Variants in DNAH3 observed in about 807,000 individuals in gnomAD.
The protein encoded by DNAH3 is dynein axonemal heavy chain 3.
DNAH3 carries 332 observed loss-of-function variants against 432.5 expected under a neutral mutation model. The observed-to-expected ratio is 0.77, with a 90% CI of 0.70 to 0.84. The LOEUF (loss-of-function observed/expected upper bound fraction) is 0.84. Ranked by LOEUF, DNAH3 falls within the 40% of genes least tolerant of loss-of-function variation. The probability of loss-of-function intolerance (pLI) is 0.00; values close to 1 mark genes in which losing one functional copy is unlikely to be tolerated. For missense variants in DNAH3, 4,861 were observed against 5,114.0 expected (o/e 0.95, Z 1.51); for synonymous variants, 1,956 against 1,900.2 (o/e 1.03, Z -0.76).
At chr16:20,969,084 C>CTGTG (rs745444835) in intron 52 of DNAH3, among the ~76,000 whole-genome samples, 23 of 110,620 alleles carry the variant, frequency 2.1e-4, no homozygotes, top group Non-Finnish European at 1.1e-4. Flanking sequence ...CTTTTTCTTT[C>CTGTG]TCTGTGTGTG....
At chr16:20,977,513 T>G (rs1269536784) in intron 50 of DNAH3, among the ~76,000 whole-genome samples, 3 of 152,202 alleles carry the variant, frequency 2.0e-5, no homozygotes, top group Admixed American at 2.0e-4. Context: ...AGGGTTGGGT[T>G]TCATGTATTT....
chr16:21,112,874 T>C (rs1352196185), intron 12 of DNAH3, among the ~76,000 whole-genome samples: 2 of 152,176 alleles, frequency 1.3e-5, no homozygotes, highest in African/African-American at 2.4e-5. Flanking sequence ...GATTTTGGAC[T>C]TGCATGGGCC....
rs769365167 is a variant in DNAH3 at position 21,145,315 on chromosome 16, C to A, written c.314G>T (p.Gly105Val). ...GTTGTTGGCGATGGAATCACTGGGT[C>A]CACGGTGGTGATGCTGTTCTTTGAA... is the stretch of plus-strand genomic sequence containing the variant. Residue 105 changes from glycine (G) to valine (V), a missense_variant, in exon 3 of 62, where the codon GGA becomes GTA. Physicochemically the swap from Gly to Val is moderately radical, Grantham distance 109. Transcript: ENST00000261383. The A allele has an allele frequency of 2.4e-5, 39 of 1,614,004 alleles. No individual in the cohort carries two copies. In the South Asian group the frequency reaches 4.1e-4, roughly 17 times the overall value.
exon 46 of DNAH3, chr16:20,987,809 T>G: frequency 6.2e-7 from 1 of 1,614,126 alleles, no homozygotes; most frequent in East Asian, 2.2e-5. Context: ...ACTGCATCTC[T>G]ATAAATTGTC....
In DNAH3 at chr16:21,036,893, G is replaced by T; in HGVS notation, c.4951-45C>A. 4 of 1,498,854 alleles carry T rather than the reference G, an allele frequency of 2.7e-6. No homozygotes were observed. The South Asian group carries it at 4.6e-5, about 17-fold the overall frequency. 92.8% of individuals were successfully genotyped at this position (1,498,854 alleles called of 1,614,324 possible). On this transcript the variant is annotated intron_variant, in intron 34 of 61. Transcript: ENST00000261383. ...AGAAAGTGGAAAGGATAAAGTATCA[G>T]ATATATGACCTCAACATTTTCCTAA...
At chr16:20,965,373 C>A in exon 53 of DNAH3, 1 of 1,542,644 alleles carries the variant, frequency 6.5e-7, no homozygotes, top group Non-Finnish European at 8.7e-7. Context: ...CCAAGAATTT[C>A]AGATCCCCAA....
At chr16:21,031,218 G>C (rs759489467) in exon 37 of DNAH3, 2 of 1,614,106 alleles carry the variant, frequency 1.2e-6, no homozygotes, top group East Asian at 2.2e-5. Flanking sequence ...CACCCATACA[G>C]CTGCCCCATC....
At chr16:20,979,592 G>T in intron 49 of DNAH3, 46 bp from the exon 50 acceptor site, 1 of 1,547,242 alleles carries the variant, frequency 6.5e-7, no homozygotes, top group Non-Finnish European at 8.9e-7. Context: ...ACATCTTCCA[G>T]GGAGATCCAG....
chr16:21,108,836 T>C (rs1177468047), intron 14 of DNAH3, among the ~76,000 whole-genome samples: 2 of 151,368 alleles, frequency 1.3e-5, no homozygotes, highest in Non-Finnish European at 2.9e-5. Flanking sequence ...AAGCTGAAGA[T>C]ACAGGCTGGG....
chr16:20,963,608 C>T (rs769683043), exon 53 of DNAH3: 14 of 1,614,058 alleles, frequency 8.7e-6, no homozygotes, highest in Middle Eastern at 3.3e-4. Flanking sequence ...AAGGCAGATG[C>T]ACGGACAATC....
chr16:21,001,416 G>A (rs958262440), intron 42 of DNAH3, among the ~76,000 whole-genome samples: 4 of 152,160 alleles, frequency 2.6e-5, no homozygotes, highest in Non-Finnish European at 5.9e-5. Flanking sequence ...TACAACTACA[G>A]AGAGTACCAT....
At chr16:21,153,911 C>G (rs1341817890) in intron 1 of DNAH3, among the ~76,000 whole-genome samples, 1 of 152,206 alleles carries the variant, frequency 6.6e-6, no homozygotes, top group Non-Finnish European at 1.5e-5. Context: ...CAAAATAACC[C>G]TGAGCTTTTC....
chr16:21,029,037 C>T (rs2152721863), intron 37 of DNAH3, among the ~76,000 whole-genome samples: 1 of 152,334 alleles, frequency 6.6e-6, no homozygotes, highest in African/African-American at 2.4e-5. Flanking sequence ...AAAGCTAAAA[C>T]AGACCCACAC....
chr16:21,062,236 C>G (rs908573780), intron 25 of DNAH3, among the ~76,000 whole-genome samples: 5 of 152,084 alleles, frequency 3.3e-5, no homozygotes, highest in African/African-American at 1.2e-4. Context: ...GACTCCACAT[C>G]GAGTTGGGTT....
At chr16:20,961,356 G>C (rs1010849854) in intron 53 of DNAH3, among the ~76,000 whole-genome samples, 10 of 152,068 alleles carry the variant, frequency 6.6e-5, no homozygotes, top group Admixed American at 2.0e-4. Context: ...GGGGTGCGGG[G>C]AGGGAGAAAG....
At chr16:21,155,346 G>C (rs1236615963) in intron 1 of DNAH3, among the ~76,000 whole-genome samples, 1 of 151,942 alleles carries the variant, frequency 6.6e-6, no homozygotes, top group Admixed American at 6.6e-5. Flanking sequence ...TTTTAGGGCC[G>C]GGAGCAGTGG....
At chr16:21,090,385 A>G (rs1231723188) in intron 18 of DNAH3, among the ~76,000 whole-genome samples, 1 of 151,626 alleles carries the variant, frequency 6.6e-6, no homozygotes, top group Admixed American at 6.6e-5. Flanking sequence ...AAAAAAAAAA[A>G]ACCCTACAGA....
intron 20 of DNAH3, among the ~76,000 whole-genome samples, chr16:21,076,920 A>C (rs1476137516): frequency 1.3e-5 from 2 of 152,138 alleles, no homozygotes; most frequent in African/African-American, 4.8e-5. Flanking sequence ...GGGGAGCTGT[A>C]CCGTACCTTC....
At chr16:21,013,821 C>A (rs1275719715) in intron 41 of DNAH3, among the ~76,000 whole-genome samples, 1 of 151,360 alleles carries the variant, frequency 6.6e-6, no homozygotes, top group Non-Finnish European at 1.5e-5. Context: ...AACTTTATGC[C>A]AACAAATTTG....
Sources: allele counts gnomAD v4.1 joint callset (sites outside exome capture counted in the v4.1 genomes callset), GRCh38; gene constraint gnomAD v4.1.1; transcripts MANE v1.5; gene names NCBI Gene and HGNC (gene_info 2026-07-23, HGNC 2026-07-21).